ATF7IP2: variants seen among roughly 807,000 people sequenced by gnomAD.
ATF7IP2 encodes activating transcription factor 7-interacting protein 2.
ATF7IP2 carries 42 observed loss-of-function variants against 64.2 expected under a neutral mutation model. The ratio of observed to expected loss-of-function variants is 0.65; its 90% CI spans 0.51 to 0.85. The LOEUF is 0.85. Among genes scored for constraint, ATF7IP2 ranks in the 40% least tolerant of loss-of-function variants. The pLI, the probability that ATF7IP2 is intolerant of heterozygous loss-of-function variation, is 0.00. For missense variants in ATF7IP2, 933 were observed against 784.2 expected (o/e 1.19, Z -2.27); for synonymous variants, 308 against 272.8 (o/e 1.13, Z -1.27).
chr16:10,459,161 C>G (rs1363310205), intron 9 of ATF7IP2, among the ~76,000 whole-genome samples: 1 of 151,396 alleles, frequency 6.6e-6, no homozygotes, highest in Non-Finnish European at 1.5e-5. Context: ...TGGAGAAACC[C>G]TGTCTCTGCT....
chr16:10,397,455 C>T (rs1196906296), intron 1 of ATF7IP2, among the ~76,000 whole-genome samples: 1 of 152,022 alleles, frequency 6.6e-6, no homozygotes, highest in Non-Finnish European at 1.5e-5. Flanking sequence ...TTAATTCTTC[C>T]AAAATATATA....
At chr16:10,420,046 T>C (rs2047961859) in intron 3 of ATF7IP2, among the ~76,000 whole-genome samples, 1 of 152,226 alleles carries the variant, frequency 6.6e-6, no homozygotes, top group African/African-American at 2.4e-5. Context: ...CTCCTTTTGC[T>C]TTTGCAACGG....
chr16:10,427,662 C>T (rs1392103306), intron 3 of ATF7IP2, among the ~76,000 whole-genome samples: 2 of 152,068 alleles, frequency 1.3e-5, no homozygotes, highest in Admixed American at 6.6e-5. Context: ...TTCAGACTAG[C>T]GTGGGCAACA....
intron 8 of ATF7IP2, among the ~76,000 whole-genome samples, chr16:10,442,706 T>G (rs1355478291): frequency 2.0e-5 from 3 of 152,190 alleles, no homozygotes; most frequent in Admixed American, 1.3e-4. Context: ...AACATTGGGT[T>G]CCTATCACGA....
intron 8 of ATF7IP2, among the ~76,000 whole-genome samples, chr16:10,442,814 C>G (rs1161436043): frequency 6.6e-6 from 1 of 152,168 alleles, no homozygotes; most frequent in South Asian, 2.1e-4. Context: ...TTAATGGCAT[C>G]CTTAGTATAA....
At chr16:10,407,942 T>G (rs1190633894) in intron 1 of ATF7IP2, among the ~76,000 whole-genome samples, 1 of 151,568 alleles carries the variant, frequency 6.6e-6, no homozygotes, top group Non-Finnish European at 1.5e-5. Context: ...AGACGGAGTC[T>G]CGCTCTCTCA....
At chr16:10,467,362 A>G (rs2049613554) in intron 9 of ATF7IP2, among the ~76,000 whole-genome samples, 1 of 152,162 alleles carries the variant, frequency 6.6e-6, no homozygotes, top group Non-Finnish European at 1.5e-5. Context: ...AACCAAAGAA[A>G]AATTAAGTGA....
intron 8 of ATF7IP2, 106 bp from the exon 9 acceptor site, chr16:10,457,265 AT>A: frequency 2.2e-6 from 2 of 902,910 alleles, no homozygotes; most frequent in South Asian, 3.5e-5. Flanking sequence ...GATTTAACTT[AT>A]GTTTTGCCAT....
intron 9 of ATF7IP2, among the ~76,000 whole-genome samples, chr16:10,470,821 G>A (rs553301887): frequency 4.6e-4 from 67 of 144,300 alleles, no homozygotes; most frequent in Non-Finnish European, 9.2e-4. Context: ...ATATGTGTGT[G>A]TGTATATATA....
chr16:10,465,600 G>A (rs1169635688), intron 9 of ATF7IP2, among the ~76,000 whole-genome samples: 5 of 150,662 alleles, frequency 3.3e-5, no homozygotes, highest in Non-Finnish European at 5.9e-5. Context: ...TTAGCTGGGC[G>A]TAGTGGTGTG....
At chr16:10,477,408 C>T (rs2050050533) in intron 12 of ATF7IP2, among the ~76,000 whole-genome samples, 1 of 152,112 alleles carries the variant, frequency 6.6e-6, no homozygotes, top group African/African-American at 2.4e-5. Context: ...CAGAAAAGGC[C>T]TTTGACAAAA....
At chr16:10,411,286 T>C (rs1201736251) in intron 1 of ATF7IP2, among the ~76,000 whole-genome samples, 3 of 152,070 alleles carry the variant, frequency 2.0e-5, no homozygotes, top group Non-Finnish European at 4.4e-5. Flanking sequence ...TCAGGATTGG[T>C]ACCAATTTTT....
intron 2 of ATF7IP2, among the ~76,000 whole-genome samples, chr16:10,416,721 C>A (rs935169170): frequency 1.3e-5 from 2 of 152,120 alleles, no homozygotes; most frequent in Non-Finnish European, 2.9e-5. Context: ...CACATGAACC[C>A]AGTAGGCGGA....
chr16:10,476,057 A>G (rs1423036533), intron 12 of ATF7IP2, among the ~76,000 whole-genome samples: 2 of 152,236 alleles, frequency 1.3e-5, no homozygotes, highest in Non-Finnish European at 2.9e-5. Flanking sequence ...TTTACAAGAA[A>G]TTATATTTGC....
At chr16:10,417,140 T>C (rs968071588) in intron 2 of ATF7IP2, among the ~76,000 whole-genome samples, 1 of 152,108 alleles carries the variant, frequency 6.6e-6, no homozygotes, top group Non-Finnish European at 1.5e-5. Flanking sequence ...TGTAATTCCA[T>C]TATACCACAA....
intron 1 of ATF7IP2, among the ~76,000 whole-genome samples, chr16:10,397,615 G>A (rs2047444774): frequency 6.6e-6 from 1 of 152,168 alleles, no homozygotes; most frequent in East Asian, 1.9e-4. Context: ...GGTGGCTCAT[G>A]CCTACAATCC....
chr16:10,479,066 G>C (rs1262647822), intron 12 of ATF7IP2, among the ~76,000 whole-genome samples: 1 of 150,898 alleles, frequency 6.6e-6, no homozygotes, highest in Non-Finnish European at 1.5e-5. Context: ...CTGTAAACTA[G>C]TTCAACCCTT....
intron 4 of ATF7IP2, 153 bp from the exon 5 acceptor site, chr16:10,430,458 A>C: frequency 1.8e-6 from 1 of 568,610 alleles, no homozygotes; most frequent in Non-Finnish European, 3.1e-6. Context: ...CAGTGTCATG[A>C]AAATGGATAT....
chr16:10,386,991 C>G (rs554379430), intron 1 of ATF7IP2: 2 of 152,294 alleles, frequency 1.3e-5, no homozygotes, highest in East Asian at 1.9e-4. Context: ...TTTTTCTGTT[C>G]TGAAGACTTG....
Sources: gnomAD v4.1 joint callset for allele counts (sites outside exome capture counted in the v4.1 genomes callset) on GRCh38, gnomAD v4.1.1 for gene constraint, MANE v1.5 for transcripts, NCBI Gene and HGNC (gene_info 2026-07-23, HGNC 2026-07-21) for gene names.